Variants in PNCK observed in about 807,000 individuals in gnomAD.
The protein encoded by PNCK is calcium/calmodulin-dependent protein kinase type 1B.
Under a neutral mutation model 28.3 loss-of-function variants are expected in PNCK, and 21 were observed. That is an observed-to-expected ratio of 0.74 (90% CI 0.53 to 1.07). The LOEUF (loss-of-function observed/expected upper bound fraction) is 1.07, where lower values mean the gene tolerates loss of function less well. Among genes scored for constraint, PNCK ranks in the 50% least tolerant of loss-of-function variants. The pLI, the probability that PNCK is intolerant of heterozygous loss-of-function variation, is 0.00. For synonymous variants in PNCK, 136 were observed against 125.2 expected (o/e 1.09, Z -0.58); for missense variants, 250 against 298.3 (o/e 0.84, Z 1.19).
At chrX:153,672,757 GGAGA>G in intron 2 of PNCK, 60 bp from the exon 3 acceptor site, 2 of 1,142,933 alleles carry the variant, frequency 1.7e-6, no homozygotes, top group Non-Finnish European at 2.3e-6. Flanking sequence ...GAGGCAGGAG[GGAGA>G]GAGAGTGGAG....
At chrX:153,672,954 TACACACACACAC>T (rs10542443) in intron 2 of PNCK, 43 bp downstream of exon 2, 21 of 1,056,487 alleles carry the variant, frequency 2.0e-5, no homozygotes, top group African/African-American at 8.1e-5. Flanking sequence ...CTCACACAGG[TACACACACACAC>T]ACACACACAC....
rs1209585264 is a variant in PNCK at position 153,671,937 on chromosome X, C to T, written c.357G>A (p.Gln119=). The T allele has an allele frequency of 2.5e-6, 3 of 1,208,940 alleles. No individual in the cohort carries two copies. The highest frequency in any genetic ancestry group is 3.4e-6 in the Non-Finnish European group (3 of 895,087). ...TEKDASHLVG[Q]VLGAVSYLHS... Reference sequence around the variant, plus strand: ...GCAGGTAGGAGACGGCGCCAAGGACCTGACCCACCAGATGGCTGGCATCCT... The same window carrying T: ...GCAGGTAGGAGACGGCGCCAAGGACTTGACCCACCAGATGGCTGGCATCCT... The change falls in exon 5 of 12, where the codon CAG becomes CAA. Residue 119 remains glutamine, a synonymous_variant. Transcript: ENST00000340888.
upstream of PNCK, chrX:153,674,366 C>T (rs1322215308): frequency 5.5e-6 from 3 of 549,855 alleles, no homozygotes; most frequent in Non-Finnish European, 8.0e-6. Flanking sequence ...CAAGTCAAAG[C>T]ATGAGTCCTT....
intron 1 of PNCK, 138 bp downstream of exon 1, chrX:153,673,642 C>T (rs1481998854): frequency 1.2e-5 from 4 of 330,290 alleles, no homozygotes; most frequent in East Asian, 3.9e-4. Flanking sequence ...TCCCGAGCTG[C>T]GTGGACCGAG....
In PNCK at chrX:153,672,569, C is replaced by T. The variant is rs782395857; in HGVS notation, c.197G>A (p.Arg66His). ...ALVENEIAVLRRISHPNIVAL... is the reference protein window; with the variant it reads ...ALVENEIAVLHRISHPNIVAL... ...CAGGGCCCCGCGAGGTGCGCACCTA[C>T]GGAGCACTGCGATCTCGTTCTCCAC... The change falls in exon 3 of 12, where the codon CGT becomes CAT. Residue 66 changes from arginine to histidine, a missense_variant. Transcript: ENST00000340888. 9 of 1,205,851 alleles carry T rather than the reference C, an allele frequency of 7.5e-6. No homozygotes were observed. The highest frequency in any genetic ancestry group is 5.9e-5 in the East Asian group (2 of 33,832).
chrX:153,679,721 G>A (rs888239912), upstream of PNCK, among the ~76,000 whole-genome samples: 4 of 107,797 alleles, frequency 3.7e-5, no homozygotes, highest in African/African-American at 1.4e-4. Flanking sequence ...ACAGGCACCC[G>A]TCACCATGCC....
intron 1 of PNCK, chrX:153,673,461 T>G: frequency 2.5e-6 from 1 of 403,777 alleles, no homozygotes; most frequent in South Asian, 4.8e-5. Context: ...CCGCCACCCA[T>G]GGCACAGCGC....
rs1428229013 is a variant in PNCK at position 153,669,893 on chromosome X, G to A, written c.*245C>T. The A allele has an allele frequency of 1.2e-5, 4 of 339,232 alleles. No homozygotes were observed. Among genetic ancestry groups the A allele is most frequent in the African/African-American group, 2.7e-5 (1 of 36,730 alleles). 28.0% of individuals were successfully genotyped at this position (339,232 alleles called of 1,213,427 possible). ...TGCCAGCACCCCCTCGGCTTTTGGC[G>A]GGGCGGGGGGGGCAGGGGCGGGAGA... On this transcript the variant is annotated 3_prime_UTR_variant, in exon 12 of 12. Coordinates refer to ENST00000340888, the MANE Select transcript of PNCK (RefSeq NM_001366977.1).
At chrX:153,673,952 C>CG (rs1557041057), upstream of PNCK, 2 of 1,064,124 alleles carry the variant, frequency 1.9e-6, no homozygotes, top group Non-Finnish European at 2.4e-6. Context: ...CGCCGGGATC[C>CG]GGCTCGGGTG....
chrX:153,671,712 T>C, intron 5 of PNCK, 40 bp from the exon 6 acceptor site: 1 of 1,170,062 alleles, frequency 8.5e-7, no homozygotes, highest in Non-Finnish European at 1.1e-6. Flanking sequence ...CAGTCAGTCC[T>C]GACGCGGTGC....
chrX:153,675,556 G>T (rs1231758210), upstream of PNCK, among the ~76,000 whole-genome samples: 1 of 110,151 alleles, frequency 9.1e-6, no homozygotes, highest in African/African-American at 3.4e-5. Flanking sequence ...TTGAGACAGG[G>T]TCTCACTGTC....
chrX:153,679,732 C>G (rs1156684591), upstream of PNCK, among the ~76,000 whole-genome samples: 2 of 108,566 alleles, frequency 1.8e-5, no homozygotes, highest in African/African-American at 6.7e-5. Flanking sequence ...TCACCATGCC[C>G]AGCTAATTTT....
Position 153,671,286 on chromosome X carries a change from G to A in PNCK, c.613C>T (p.Leu205=). Residue 205 remains leucine, a splice_region_variant and synonymous_variant, in exon 7 of 12, where the codon CTG becomes TTG. Coordinates refer to ENST00000340888, the MANE Select transcript of PNCK (RefSeq NM_001366977.1). The part of the protein sequence containing the change: ...VWALGVISYI[L]LCGYPPFYDE... The stretch of plus-strand genomic sequence containing the variant: ...CAAGCCTTCCCAGCGGTCACTCACA[G>A]GATGTAGGAGATGACGCCCAGGGCC... 8.3e-7 allele frequency: 1 copy of A among 1,208,864 alleles called. No individual in the cohort carries two copies. Among genetic ancestry groups the A allele is most frequent in the Non-Finnish European group, 1.1e-6 (1 of 893,395 alleles).
chrX:153,683,725 C>T (rs1053080535), intron 1 of PNCK, among the ~76,000 whole-genome samples: 12 of 111,080 alleles, frequency 1.1e-4, no homozygotes, highest in African/African-American at 2.3e-4. Context: ...GATAGTTTGG[C>T]GGACAGGGGG....
intron 3 of PNCK, 159 bp from the exon 4 acceptor site, chrX:153,672,359 C>T (rs2091314253): frequency 1.2e-6 from 1 of 833,023 alleles, no homozygotes; most frequent in Admixed American, 3.4e-5. Context: ...AGAGCTCCAG[C>T]CTGAGCCCCG....
intron 1 of PNCK, among the ~76,000 whole-genome samples, chrX:153,686,094 C>A (rs1557043122): frequency 8.9e-6 from 1 of 111,904 alleles, no homozygotes; most frequent in Non-Finnish European, 1.9e-5. Flanking sequence ...TCTGGACAGC[C>A]CCCCACCCTT....
rs1296153645 is a variant in PNCK, at chrX:153,672,916, C to T, written c.68+93G>A. ...ACACACACACACATCATCTCACACC[C>T]ACTCGCGTAGTCACACACACATGCC... is the stretch of plus-strand genomic sequence containing the variant. On this transcript the variant is annotated intron_variant, in intron 2 of 11. Transcript: ENST00000340888. 44 of 1,023,331 alleles carry T rather than the reference C, an allele frequency of 4.3e-5. 1 individual carries two copies. Among genetic ancestry groups the T allele is most frequent in the South Asian group, 1.5e-4 (7 of 45,564 alleles). The allele number at this position is 1,023,331 out of a possible 1,213,427, so 84.3% of individuals were successfully genotyped here.
At chrX:153,677,883 C>T (rs1348317669), upstream of PNCK, among the ~76,000 whole-genome samples, 1 of 103,604 alleles carries the variant, frequency 9.7e-6, no homozygotes, top group East Asian at 3.0e-4. Context: ...AACCCATGTA[C>T]ATATAGATAG....
intron 1 of PNCK, among the ~76,000 whole-genome samples, chrX:153,681,778 A>G (rs1367977478): frequency 1.8e-5 from 2 of 112,246 alleles, no homozygotes; most frequent in African/African-American, 6.5e-5. Context: ...GAGGCTAATA[A>G]GGCGGGAGAT....
Sources: allele counts gnomAD v4.1 joint callset (sites outside exome capture counted in the v4.1 genomes callset), GRCh38; gene constraint gnomAD v4.1.1; transcripts MANE v1.5; gene names NCBI Gene and HGNC (gene_info 2026-07-23, HGNC 2026-07-21).